MICAL2: variants seen among roughly 807,000 people sequenced by gnomAD.
The protein encoded by MICAL2 is [F-actin]-monooxygenase MICAL2.
In MICAL2, 77 loss-of-function variants were observed where a neutral mutation model predicts 127.3. The observed-to-expected ratio is 0.60, with a 90% confidence interval of 0.50 to 0.73. The LOEUF is 0.73. MICAL2 is among the 30% of genes least tolerant of loss of function. MICAL2 has a pLI of 0.00. For missense variants in MICAL2, 1,351 were observed against 1,434.4 expected (o/e 0.94, Z 0.94); for synonymous variants, 570 against 551.1 (o/e 1.03, Z -0.48).
At chr11:12,327,152 C>T (rs994223142) in intron 31 of MICAL2, 2 of 1,548,994 alleles carry the variant, frequency 1.3e-6, no homozygotes, top group Non-Finnish European at 1.7e-6. Flanking sequence ...CCTTGTGTGA[C>T]ATCTGATCCT....
chr11:12,187,835 C>A (rs1035267219), intron 3 of MICAL2, among the ~76,000 whole-genome samples: 1 of 152,018 alleles, frequency 6.6e-6, no homozygotes, highest in Admixed American at 6.5e-5. Flanking sequence ...GGCTTTCCCT[C>A]CACCTTTCTT....
intron 18 of MICAL2, among the ~76,000 whole-genome samples, chr11:12,241,626 G>A (rs1261445591): frequency 6.6e-6 from 1 of 152,238 alleles, no homozygotes; most frequent in Non-Finnish European, 1.5e-5. Flanking sequence ...TGCATAGCGG[G>A]CGGGAAGGCA....
chr11:12,339,795 G>T (rs138605231), intron 32 of MICAL2, among the ~76,000 whole-genome samples: 1 of 152,152 alleles, frequency 6.6e-6, no homozygotes, highest in Non-Finnish European at 1.5e-5. Flanking sequence ...CTGCCTGATC[G>T]TTCCTTTGGA....
intron 29 of MICAL2, among the ~76,000 whole-genome samples, chr11:12,297,964 AT>A (rs1267639603): frequency 6.6e-6 from 1 of 151,692 alleles, no homozygotes; most frequent in African/African-American, 2.4e-5. Context: ...TAGGAAGAGT[AT>A]TCCATTATTG....
At position 12,162,160 on chromosome 11, in the gene MICAL2, G is replaced by A. The variant is rs769295950; in HGVS notation, c.5G>A (p.Gly2Glu). M[G>E]ENEDEKQAQA... ...GCCGCACACGACTCCTGAACCATGG[G>A]GGAAAACGAGGATGAGAAGCAGGCC... The change falls in exon 3 of 28, where the codon GGG becomes GAG. Residue 2 changes from glycine to glutamate, a missense_variant. Transcript: ENST00000683283. 1 of 1,614,148 alleles carries A rather than the reference G, an allele frequency of 6.2e-7. No homozygotes were observed. Among genetic ancestry groups the A allele is most frequent in the South Asian group, 1.1e-5 (1 of 91,068 alleles).
chr11:12,294,895 G>T (rs1385934838), downstream of MICAL2: 1 of 1,425,486 alleles, frequency 7.0e-7, no homozygotes, highest in Admixed American at 2.9e-5. Flanking sequence ...TGCCCTTCAT[G>T]CTGGGCAGTT....
At chr11:12,121,236 A>T (rs1304977542) in intron 1 of MICAL2, among the ~76,000 whole-genome samples, 1 of 152,146 alleles carries the variant, frequency 6.6e-6, no homozygotes, top group African/African-American at 2.4e-5. Context: ...AGCTCTTCAC[A>T]CGGATCTTCT....
intron 2 of MICAL2, among the ~76,000 whole-genome samples, chr11:12,286,738 C>T (rs919177198): frequency 6.6e-5 from 10 of 152,014 alleles, no homozygotes; most frequent in Non-Finnish European, 1.2e-4. Context: ...ATCTGCGTGT[C>T]GTGGTGCATG....
chr11:12,268,765 C>T (rs10741573), downstream of MICAL2, among the ~76,000 whole-genome samples: 4 of 151,568 alleles, frequency 2.6e-5, no homozygotes, highest in African/African-American at 4.9e-5. Flanking sequence ...CCAAGGTGGG[C>T]GGATCAGGAG....
chr11:12,273,390 A>G (rs981602444), upstream of MICAL2, among the ~76,000 whole-genome samples: 18 of 152,144 alleles, frequency 1.2e-4, no homozygotes, highest in Non-Finnish European at 2.5e-4. Flanking sequence ...CCATGTCATT[A>G]TTATTATGTA....
intron 8 of MICAL2, 173 bp downstream of exon 8, chr11:12,216,492 C>T: frequency 1.7e-6 from 1 of 600,430 alleles, no homozygotes; most frequent in East Asian, 2.8e-5. Context: ...GATAAAGGAG[C>T]CCACGCCAAT....
At chr11:12,177,392 T>C (rs1483558560) in intron 3 of MICAL2, among the ~76,000 whole-genome samples, 1 of 152,248 alleles carries the variant, frequency 6.6e-6, no homozygotes, top group African/African-American at 2.4e-5. Context: ...ATATTCTGGA[T>C]ACTAACTCTT....
At chr11:12,255,916 C>G (rs757606194) in intron 23 of MICAL2, 166 bp downstream of exon 23, 6 of 569,040 alleles carry the variant, frequency 1.1e-5, no homozygotes, top group Non-Finnish European at 1.9e-5. Flanking sequence ...TAAAAGGAGC[C>G]TGCTTTTCCT....
intron 33 of MICAL2, among the ~76,000 whole-genome samples, chr11:12,353,314 T>A (rs943585414): frequency 8.5e-5 from 13 of 152,258 alleles, no homozygotes; most frequent in Admixed American, 7.2e-4. Flanking sequence ...CTTTGACCTT[T>A]CTCTTTTCTC....
intron 3 of MICAL2, among the ~76,000 whole-genome samples, chr11:12,195,521 A>G (rs1344783332): frequency 2.6e-5 from 4 of 152,154 alleles, no homozygotes; most frequent in Admixed American, 6.5e-5. Flanking sequence ...TCTGAAAAGT[A>G]TTATAATGAA....
intron 8 of MICAL2, among the ~76,000 whole-genome samples, chr11:12,218,499 G>T (rs2134245102): frequency 6.6e-6 from 1 of 152,330 alleles, no homozygotes; most frequent in East Asian, 1.9e-4. Flanking sequence ...TCTTCACTGT[G>T]TAATGTCACC....
intron 29 of MICAL2, among the ~76,000 whole-genome samples, chr11:12,319,285 A>G (rs915910934): frequency 2.2e-4 from 33 of 152,122 alleles, no homozygotes; most frequent in Admixed American, 9.8e-4. Flanking sequence ...TTTGCATTCA[A>G]TTACTCTGCA....
At position 12,329,887 on chromosome 11, in the gene MICAL2, AAGAG is replaced by A. The variant is rs1180589714; in HGVS notation, c.5515+2626_5515+2629del. ...GAAAAAAAAAAAAAAAAAAAAAGAA[AAGAG>A]AGAGCTAGTTTGAGTTATAGCAAAA... On this transcript the variant is annotated intron_variant, in intron 32 of 34. Coordinates refer to the MICAL2 transcript ENST00000646065. 2.5e-3 allele frequency among the ~76,000 whole-genome samples: 378 copies of A among 149,746 alleles called. 1 individual carries two copies. Among genetic ancestry groups the A allele is most frequent in the Non-Finnish European group, 4.3e-3 (289 of 67,438 alleles).
At chr11:12,347,374 G>T (rs1197923841) in intron 32 of MICAL2, among the ~76,000 whole-genome samples, 1 of 151,942 alleles carries the variant, frequency 6.6e-6, no homozygotes, top group Non-Finnish European at 1.5e-5. Flanking sequence ...ATCCTTTTTG[G>T]TAGGCACAAT....
Sources: gnomAD v4.1 joint callset for allele counts (sites outside exome capture counted in the v4.1 genomes callset) on GRCh38, gnomAD v4.1.1 for gene constraint, MANE v1.5 for transcripts, NCBI Gene and HGNC (gene_info 2026-07-23, HGNC 2026-07-21) for gene names.